The following DPP6 variants were observed in gnomAD, a reference collection of about 807,000 sequenced individuals.
The protein encoded by DPP6 is A-type potassium channel modulatory protein DPP6.
A neutral mutation model predicts 122.6 loss-of-function variants in DPP6; 69 were observed. The observed-to-expected ratio is 0.56, with a 90% CI of 0.46 to 0.69. The LOEUF (loss-of-function observed/expected upper bound fraction) is 0.69. Ranked by LOEUF, DPP6 falls within the 30% of genes least tolerant of loss-of-function variation. The pLI is 0.00. For synonymous variants in DPP6, 418 were observed against 433.1 expected, an observed-to-expected ratio of 0.97 and a Z score of 0.43; for missense variants, 928 against 1,116.9, an observed-to-expected ratio of 0.83 and a Z score of 2.41.
At chr7:154,030,578 C>T (rs553719656) in intron 1 of DPP6, among the ~76,000 whole-genome samples, 28 of 152,250 alleles carry the variant, frequency 1.8e-4, no homozygotes, top group African/African-American at 6.7e-4. Context: ...TGGGAACAGC[C>T]CTGGCTGAGG....
chr7:154,322,299 T>A (rs762394121), intron 1 of DPP6, among the ~76,000 whole-genome samples: 15 of 152,334 alleles, frequency 9.8e-5, no homozygotes, highest in Non-Finnish European at 1.8e-4. Flanking sequence ...TGCATTTTTG[T>A]TTGTAGAAGC....
At chr7:154,493,404 G>A (rs1219959380) in intron 3 of DPP6, among the ~76,000 whole-genome samples, 1 of 152,176 alleles carries the variant, frequency 6.6e-6, no homozygotes, top group East Asian at 1.9e-4. Flanking sequence ...CCCTGGGTAG[G>A]TGCACTCATC....
chr7:153,761,197 T>G, the DPP6 span, among the ~76,000 whole-genome samples: 1 of 152,226 alleles, frequency 6.6e-6, no homozygotes, highest in African/African-American at 2.4e-5. Context: ...TTTATTTGTT[T>G]CAGGCAGGAG....
the DPP6 span, among the ~76,000 whole-genome samples, chr7:153,872,917 T>A: frequency 1.3e-5 from 2 of 152,256 alleles, no homozygotes; most frequent in African/African-American, 4.8e-5. Context: ...CTTATCATAC[T>A]CTACAGCTAG....
At chr7:154,352,288 A>G (rs11981712) in intron 1 of DPP6, among the ~76,000 whole-genome samples, 27,292 of 151,702 alleles carry the variant, frequency 0.18, 4,218 homozygotes, top group African/African-American at 0.42. Flanking sequence ...ACAGTGAGAC[A>G]TCATCTCTAC....
chr7:154,869,481 T>G (rs1258278469), intron 18 of DPP6, among the ~76,000 whole-genome samples: 6 of 152,256 alleles, frequency 3.9e-5, no homozygotes, highest in African/African-American at 1.4e-4. Context: ...GACTTGAACA[T>G]GGTCCCTAGA....
the DPP6 span, among the ~76,000 whole-genome samples, chr7:153,754,742 A>G: frequency 9.4e-4 from 140 of 148,832 alleles, no homozygotes; most frequent in Middle Eastern, 3.4e-3. Flanking sequence ...TCTCTTTTTC[A>G]GATTTAATTT....
intron 7 of DPP6, among the ~76,000 whole-genome samples, chr7:154,678,329 T>C (rs1839056824): frequency 6.6e-6 from 1 of 152,230 alleles, no homozygotes; most frequent in Non-Finnish European, 1.5e-5. Context: ...CTCTCTGGGT[T>C]CGCACTACGT....
chr7:154,310,936 C>T (rs942028849), intron 1 of DPP6, among the ~76,000 whole-genome samples: 1 of 152,138 alleles, frequency 6.6e-6, no homozygotes, highest in African/African-American at 2.4e-5. Flanking sequence ...ATCATGCACC[C>T]TCTGTCATTG....
intron 1 of DPP6, among the ~76,000 whole-genome samples, chr7:154,252,235 T>TGCAC (rs1554501570): frequency 6.7e-6 from 1 of 149,346 alleles, no homozygotes; most frequent in African/African-American, 2.6e-5. Context: ...TGTGTGTGTG[T>TGCAC]GCGCGCATGC....
At chr7:154,517,518 T>C (rs1473995285) in intron 3 of DPP6, among the ~76,000 whole-genome samples, 2 of 152,040 alleles carry the variant, frequency 1.3e-5, no homozygotes, top group African/African-American at 4.8e-5. Context: ...TTGGCATTAG[T>C]GAGGTAGGCC....
intron 25 of DPP6, chr7:154,889,837 T>G: frequency 2.6e-6 from 1 of 385,160 alleles, no homozygotes. Context: ...GCACCCACCC[T>G]GCCCAGCAGT....
chr7:154,284,872 AACAAAAACATTATGCCAAATG>A (rs1305966163), intron 1 of DPP6, among the ~76,000 whole-genome samples: 11 of 152,276 alleles, frequency 7.2e-5, no homozygotes, highest in African/African-American at 2.6e-4. Context: ...AACAAAACAA[AACAAAAACATTATGCCAAATG>A]ACATAAACTG....
At chr7:154,608,681 A>C (rs1417648342) in intron 5 of DPP6, among the ~76,000 whole-genome samples, 1 of 151,564 alleles carries the variant, frequency 6.6e-6, no homozygotes, top group East Asian at 1.9e-4. Context: ...TCATCCCTGT[A>C]CTCATTTCAT....
At chr7:154,390,056 A>G (rs1814478458) in intron 1 of DPP6, among the ~76,000 whole-genome samples, 1 of 152,218 alleles carries the variant, frequency 6.6e-6, no homozygotes, top group South Asian at 2.1e-4. Flanking sequence ...TTGGTAGTAC[A>G]ATGGTATGAG....
intron 4 of DPP6, 63 bp downstream of exon 4, chr7:154,540,689 G>C: frequency 9.6e-7 from 1 of 1,036,634 alleles, no homozygotes; most frequent in Admixed American, 3.0e-5. Flanking sequence ...CAATAAAACA[G>C]AAAATGACTT....
Position 154,318,540 on chromosome 7 carries a change from C to T in DPP6, c.244-127674C>T, listed in dbSNP as rs371509586. On this transcript the variant is annotated intron_variant, in intron 1 of 25. Coordinates refer to ENST00000377770, the MANE Select transcript of DPP6 (RefSeq NM_130797.4). Reference sequence around the variant, plus strand: ...GAAAGTCCTTTGAAAATGATTTGTACACTGATAAAACTTCTTGGAAACATA... The same window carrying T: ...GAAAGTCCTTTGAAAATGATTTGTATACTGATAAAACTTCTTGGAAACATA... Among the ~76,000 whole-genome samples the T allele has an allele frequency of 1.9e-3, 282 of 152,250 alleles. 3 individuals are homozygous for T. The highest frequency in any genetic ancestry group is 2.7e-3 in the Admixed American group (42 of 15,300).
In DPP6 at chr7:154,801,450, G is replaced by A. The variant is rs914405278; in HGVS notation, c.1395G>A (p.Val465=). ...GAGGGAAATTCTATCACATCACGGTGTCCTCGTCCCAGGTAAGTCCTGCTA... is the reference window on the plus strand; with the variant it reads ...GAGGGAAATTCTATCACATCACGGTATCCTCGTCCCAGGTAAGTCCTGCTA... ...GGRGKFYHIT[V]SSSQPNSSND... Residue 465 remains valine (V), a synonymous_variant, in exon 13 of 26, where the codon GTG becomes GTA. Transcript: ENST00000377770. The A allele has an allele frequency of 7.6e-6, 12 of 1,583,166 alleles. No individual in the cohort carries two copies. In the East Asian group the frequency reaches 2.3e-4, roughly 30 times the overall value.
intron 8 of DPP6, among the ~76,000 whole-genome samples, chr7:154,759,413 A>G (rs1193173126): frequency 6.6e-6 from 1 of 152,226 alleles, no homozygotes; most frequent in Non-Finnish European, 1.5e-5. Flanking sequence ...TTCTCCCAGG[A>G]GCAGCCTGTC....
Sources: allele counts gnomAD v4.1 joint callset (sites outside exome capture counted in the v4.1 genomes callset), GRCh38; gene constraint gnomAD v4.1.1; transcripts MANE v1.5; gene names NCBI Gene and HGNC (gene_info 2026-07-23, HGNC 2026-07-21).